The following FBXO4 variants were observed in gnomAD, a reference collection of about 807,000 sequenced individuals.
FBXO4 encodes F-box protein 4.
A neutral mutation model predicts 43.7 loss-of-function variants in FBXO4; 36 were observed. The ratio of observed to expected loss-of-function variants is 0.82; its 90% CI spans 0.63 to 1.09. The LOEUF (loss-of-function observed/expected upper bound fraction) is 1.09. Ranked by LOEUF, FBXO4 falls within the 50% of genes least tolerant of loss-of-function variation. The pLI is 0.00. For missense variants in FBXO4, 435 were observed against 474.1 expected, an observed-to-expected ratio of 0.92 and a Z score of 0.77; for synonymous variants, 180 against 165.6, an observed-to-expected ratio of 1.09 and a Z score of -0.67.
the FBXO4 span, among the ~76,000 whole-genome samples, chr5:41,977,738 C>T: frequency 1.3e-5 from 2 of 152,182 alleles, no homozygotes; most frequent in East Asian, 1.9e-4. Flanking sequence ...CATGCCTGGT[C>T]GCTGTCCATA....
At chr5:41,961,331 C>A in the FBXO4 span, among the ~76,000 whole-genome samples, 1 of 152,102 alleles carries the variant, frequency 6.6e-6, no homozygotes, top group Non-Finnish European at 1.5e-5. Flanking sequence ...GAAGAGATTC[C>A]TCTTCACACT....
intron 5 of FBXO4, among the ~76,000 whole-genome samples, chr5:41,937,046 C>T (rs1284338171): frequency 1.3e-5 from 2 of 152,008 alleles, no homozygotes; most frequent in Non-Finnish European, 2.9e-5. Context: ...GACCCCTGAT[C>T]TAACTTATCT....
the FBXO4 span, among the ~76,000 whole-genome samples, chr5:42,028,347 T>C: frequency 6.6e-6 from 1 of 151,940 alleles, no homozygotes; most frequent in Admixed American, 6.6e-5. Context: ...CAACTTCTGC[T>C]CTTTTTTGGT....
At chr5:41,960,335 C>G in the FBXO4 span, among the ~76,000 whole-genome samples, 1 of 151,766 alleles carries the variant, frequency 6.6e-6, no homozygotes, top group Non-Finnish European at 1.5e-5. Context: ...GATTTGGATG[C>G]CTTTATTTTT....
At chr5:41,997,280 T>C in the FBXO4 span, among the ~76,000 whole-genome samples, 2 of 152,356 alleles carry the variant, frequency 1.3e-5, no homozygotes, top group East Asian at 1.9e-4. Flanking sequence ...TTCTCCATGA[T>C]CCATCTCTTT....
At chr5:41,967,774 A>G in the FBXO4 span, 1 of 613,352 alleles carries the variant, frequency 1.6e-6, no homozygotes. Context: ...TCTCTCATCA[A>G]TGTGCTCTGG....
chr5:42,035,947 T>G, the FBXO4 span, among the ~76,000 whole-genome samples: 1 of 152,118 alleles, frequency 6.6e-6, no homozygotes, highest in African/African-American at 2.4e-5. Flanking sequence ...CTGCCTTGAT[T>G]TGTGGTAAGG....
chr5:42,033,504 C>T, the FBXO4 span, among the ~76,000 whole-genome samples: 49 of 152,006 alleles, frequency 3.2e-4, no homozygotes, highest in African/African-American at 1.0e-3. Context: ...TTTTAAGCCC[C>T]GTATGCATTA....
At chr5:41,985,638 T>C in the FBXO4 span, among the ~76,000 whole-genome samples, 3 of 152,146 alleles carry the variant, frequency 2.0e-5, no homozygotes, top group African/African-American at 7.2e-5. Flanking sequence ...AAAGTCAGCC[T>C]GCGTTATAAT....
chr5:42,032,415 C>A, the FBXO4 span, among the ~76,000 whole-genome samples: 1 of 152,242 alleles, frequency 6.6e-6, no homozygotes, highest in East Asian at 1.9e-4. Context: ...TGTTCTATTG[C>A]ACTGCAGCTG....
downstream of FBXO4, among the ~76,000 whole-genome samples, chr5:41,942,871 T>C (rs1379592845): frequency 1.3e-5 from 2 of 152,278 alleles, no homozygotes; most frequent in Non-Finnish European, 2.9e-5. Flanking sequence ...TTTTTCTCCA[T>C]ATAATTATGG....
the FBXO4 span, among the ~76,000 whole-genome samples, chr5:41,997,669 TG>T: frequency 6.6e-6 from 1 of 152,182 alleles, no homozygotes. Context: ...CTACTTTAAC[TG>T]GAGGACCACA....
the FBXO4 span, among the ~76,000 whole-genome samples, chr5:42,035,055 C>T: frequency 6.6e-6 from 1 of 151,528 alleles, no homozygotes; most frequent in African/African-American, 2.4e-5. Context: ...TAGCTGTATT[C>T]CTAGGTATTT....
At chr5:41,947,505 A>G in the FBXO4 span, among the ~76,000 whole-genome samples, 1 of 152,242 alleles carries the variant, frequency 6.6e-6, no homozygotes, top group Non-Finnish European at 1.5e-5. Flanking sequence ...AGTGGAAGCC[A>G]AGAGTGTATT....
the FBXO4 span, among the ~76,000 whole-genome samples, chr5:41,950,902 G>A: frequency 6.6e-6 from 1 of 152,198 alleles, no homozygotes; most frequent in Non-Finnish European, 1.5e-5. Context: ...AAGAGTTCAT[G>A]TCCTTTGCAG....
the FBXO4 span, among the ~76,000 whole-genome samples, chr5:42,024,426 T>C: frequency 6.6e-6 from 1 of 152,186 alleles, no homozygotes; most frequent in African/African-American, 2.4e-5. Flanking sequence ...TTAATTTTTG[T>C]GGGTACCTAA....
At chr5:41,950,525 G>A in the FBXO4 span, among the ~76,000 whole-genome samples, 496 of 152,220 alleles carry the variant, frequency 3.3e-3, 3 homozygotes, top group African/African-American at 0.011. Flanking sequence ...ACCATCTCAC[G>A]CCAGTTAGAA....
chr5:41,931,361 G>A (rs1751682658), intron 3 of FBXO4, among the ~76,000 whole-genome samples: 1 of 152,310 alleles, frequency 6.6e-6, no homozygotes, highest in Admixed American at 6.5e-5. Flanking sequence ...TGAGTTTTTT[G>A]TTGGATGATA....
the FBXO4 span, among the ~76,000 whole-genome samples, chr5:42,028,505 G>A: frequency 1.6e-3 from 240 of 151,690 alleles, no homozygotes; most frequent in Non-Finnish European, 2.8e-3. Flanking sequence ...TTATTGGAGA[G>A]TTTAGTCCAT....
Sources: allele counts gnomAD v4.1 joint callset (sites outside exome capture counted in the v4.1 genomes callset), GRCh38; gene constraint gnomAD v4.1.1; transcripts MANE v1.5; gene names NCBI Gene and HGNC (gene_info 2026-07-23, HGNC 2026-07-21).